The following BRD10 variants were observed in gnomAD, a reference collection of about 807,000 sequenced individuals.
The protein encoded by BRD10 is bromodomain containing 10.
At chr9:5,954,342 G>GT in the BRD10 span, among the ~76,000 whole-genome samples, 1 of 152,154 alleles carries the variant, frequency 6.6e-6, no homozygotes, top group Non-Finnish European at 1.5e-5. Flanking sequence ...CATCTCCAAT[G>GT]TGTTATACGG....
the BRD10 span, among the ~76,000 whole-genome samples, chr9:5,929,402 G>C: frequency 1.3e-5 from 2 of 152,138 alleles, no homozygotes; most frequent in East Asian, 1.9e-4. Flanking sequence ...TTTTAAAAAT[G>C]TTTTAAAATT....
chr9:5,988,524 C>G, the BRD10 span: 2 of 1,613,630 alleles, frequency 1.2e-6, no homozygotes, highest in Admixed American at 1.7e-5. Flanking sequence ...TAACTGCTAT[C>G]GTTGTCTTTT....
At chr9:6,000,790 A>T in the BRD10 span, among the ~76,000 whole-genome samples, 6 of 152,202 alleles carry the variant, frequency 3.9e-5, no homozygotes, top group African/African-American at 1.4e-4. Context: ...TATACATTAT[A>T]CATATTTTAA....
At chr9:5,983,885 TGCATAGTAAA>T in the BRD10 span, among the ~76,000 whole-genome samples, 2 of 151,562 alleles carry the variant, frequency 1.3e-5, no homozygotes, top group South Asian at 4.1e-4. Context: ...TAAAAAACTA[TGCATAGTAAA>T]ACACGTCATA....
chr9:5,933,795 T>C, the BRD10 span: 1 of 471,226 alleles, frequency 2.1e-6, no homozygotes, highest in Non-Finnish European at 4.4e-6. Context: ...TAATCTGGGA[T>C]GGGTATGACA....
the BRD10 span, among the ~76,000 whole-genome samples, chr9:5,917,365 A>C: frequency 6.6e-6 from 1 of 152,240 alleles, no homozygotes; most frequent in Non-Finnish European, 1.5e-5. Context: ...CTAGAAACTA[A>C]AAGAAAATTA....
the BRD10 span, among the ~76,000 whole-genome samples, chr9:5,964,290 A>C: frequency 4.7e-5 from 7 of 149,934 alleles, no homozygotes; most frequent in African/African-American, 9.8e-5. Context: ...ATGCAGCCAA[A>C]AAACACATGA....
chr9:5,940,382 A>G, the BRD10 span, among the ~76,000 whole-genome samples: 1 of 151,958 alleles, frequency 6.6e-6, no homozygotes, highest in Non-Finnish European at 1.5e-5. Context: ...TTTTGTAGAG[A>G]CAGGGTTTCA....
At chr9:5,960,602 T>C in the BRD10 span, among the ~76,000 whole-genome samples, 3 of 151,704 alleles carry the variant, frequency 2.0e-5, no homozygotes, top group African/African-American at 4.8e-5. Flanking sequence ...ATAATGACTA[T>C]TTGAGGGGGG....
the BRD10 span, chr9:5,906,838 T>A: frequency 8.1e-7 from 1 of 1,239,624 alleles, no homozygotes; most frequent in South Asian, 1.5e-5. Flanking sequence ...TTTAATGGAT[T>A]CAGTTACTTC....
the BRD10 span, among the ~76,000 whole-genome samples, chr9:5,995,014 C>G: frequency 6.6e-6 from 1 of 152,060 alleles, no homozygotes; most frequent in Admixed American, 6.5e-5. Flanking sequence ...ATTCTCCTGC[C>G]TCAGCCTCCT....
At chr9:5,924,698 T>C in the BRD10 span, 36 of 1,555,790 alleles carry the variant, frequency 2.3e-5, no homozygotes, top group Non-Finnish European at 2.8e-5. Flanking sequence ...CCAGAGGTTC[T>C]GTTGAGTCTA....
chr9:5,887,841 A>G, the BRD10 span, among the ~76,000 whole-genome samples: 1 of 152,174 alleles, frequency 6.6e-6, no homozygotes, highest in African/African-American at 2.4e-5. Flanking sequence ...CCATCTTTTC[A>G]TGGCTGACTG....
chr9:5,940,344 C>A, the BRD10 span, among the ~76,000 whole-genome samples: 2 of 152,084 alleles, frequency 1.3e-5, no homozygotes, highest in African/African-American at 4.8e-5. Flanking sequence ...CAGGCACGCG[C>A]CACTACAGCC....
chr9:5,898,109 A>T, the BRD10 span: 154,419 of 158,954 alleles, frequency 0.97, 75,146 homozygotes, highest in Non-Finnish European at 0.99. Context: ...GCAGTGGTGA[A>T]CATGAGTCAC....
At chr9:5,948,063 TC>T in the BRD10 span, among the ~76,000 whole-genome samples, 5 of 152,074 alleles carry the variant, frequency 3.3e-5, no homozygotes, top group African/African-American at 1.2e-4. Flanking sequence ...CAAGAACCTC[TC>T]CAAGGCTGTC....
chr9:5,921,346 C>T, the BRD10 span: 1 of 1,613,890 alleles, frequency 6.2e-7, no homozygotes, highest in South Asian at 1.1e-5. Flanking sequence ...TAGACGGAAT[C>T]AGTACTATTT....
At chr9:5,969,995 G>A in the BRD10 span, among the ~76,000 whole-genome samples, 4 of 152,166 alleles carry the variant, frequency 2.6e-5, no homozygotes, top group African/African-American at 9.7e-5. Context: ...AATTTATAAT[G>A]TATATCAACT....
At chr9:5,947,197 T>A in the BRD10 span, among the ~76,000 whole-genome samples, 1 of 152,164 alleles carries the variant, frequency 6.6e-6, no homozygotes, top group Non-Finnish European at 1.5e-5. Context: ...ACTAAATTAG[T>A]ACTTTTCAAA....
Sources: allele counts gnomAD v4.1 joint callset (sites outside exome capture counted in the v4.1 genomes callset), GRCh38; gene constraint gnomAD v4.1.1; transcripts MANE v1.5; gene names NCBI Gene and HGNC (gene_info 2026-07-23, HGNC 2026-07-21).